The following ASCC3 variants were observed in gnomAD, a reference collection of about 807,000 sequenced individuals.
ASCC3 encodes the protein activating signal cointegrator 1 complex subunit 3, also known as ASC-1 complex subunit P200.
In ASCC3, 158 loss-of-function variants were observed where a neutral mutation model predicts 256.3. That is an observed-to-expected ratio of 0.62 (90% CI 0.54 to 0.70). The LOEUF (loss-of-function observed/expected upper bound fraction) is 0.70. Among genes scored for constraint, ASCC3 ranks in the 30% least tolerant of loss-of-function variants. The probability of loss-of-function intolerance (pLI) is 0.00; values close to 1 mark genes in which losing one functional copy is unlikely to be tolerated. For synonymous variants in ASCC3, 948 were observed against 883.4 expected (o/e 1.07, Z -1.30); for missense variants, 2,259 against 2,626.0 (o/e 0.86, Z 3.05).
At chr6:100,879,977 A>C (rs1212008604) in intron 1 of ASCC3, among the ~76,000 whole-genome samples, 1 of 152,200 alleles carries the variant, frequency 6.6e-6, no homozygotes, top group Non-Finnish European at 1.5e-5. Context: ...GGATTATAGA[A>C]AGTTCATGAG....
At chr6:100,590,627 A>G (rs1771956305) in intron 34 of ASCC3, among the ~76,000 whole-genome samples, 1 of 152,204 alleles carries the variant, frequency 6.6e-6, no homozygotes, top group Admixed American at 6.5e-5. Context: ...ATGGCAGTGG[A>G]AAGTGGTCTT....
At chr6:100,542,383 T>TAAG (rs945212908) in intron 36 of ASCC3, among the ~76,000 whole-genome samples, 4 of 152,090 alleles carry the variant, frequency 2.6e-5, no homozygotes, top group Non-Finnish European at 5.9e-5. Flanking sequence ...TAATTTACTG[T>TAAG]AAGAAAAACA....
At chr6:100,567,906 C>G (rs1285374353) in intron 36 of ASCC3, among the ~76,000 whole-genome samples, 1 of 151,976 alleles carries the variant, frequency 6.6e-6, no homozygotes, top group African/African-American at 2.4e-5. Context: ...CTTTTGGATC[C>G]CCAGTAATGG....
At chr6:100,582,948 T>C (rs1771394008) in intron 36 of ASCC3, among the ~76,000 whole-genome samples, 1 of 152,190 alleles carries the variant, frequency 6.6e-6, no homozygotes, top group South Asian at 2.1e-4. Flanking sequence ...CACTTGATCA[T>C]GGTGGATAAG....
At chr6:100,760,087 T>C (rs764956886) in intron 10 of ASCC3, among the ~76,000 whole-genome samples, 6 of 152,166 alleles carry the variant, frequency 3.9e-5, no homozygotes, top group Non-Finnish European at 8.8e-5. Flanking sequence ...TATAAAATCA[T>C]GTTGTCTGCA....
intron 36 of ASCC3, 41 bp from the exon 37 acceptor site, chr6:100,540,428 TAA>T: frequency 1.4e-6 from 2 of 1,476,330 alleles, no homozygotes; most frequent in South Asian, 2.3e-5. Flanking sequence ...GATCAAAGTA[TAA>T]TAATTAATGT....
intron 37 of ASCC3, among the ~76,000 whole-genome samples, chr6:100,528,924 A>G (rs189301779): frequency 7.2e-5 from 11 of 152,354 alleles, no homozygotes; most frequent in African/African-American, 2.6e-4. Context: ...GATATCTGCT[A>G]TCTTTTGGGG....
intron 13 of ASCC3, among the ~76,000 whole-genome samples, chr6:100,712,707 A>T (rs1173568307): frequency 6.6e-6 from 1 of 150,488 alleles, no homozygotes; most frequent in Non-Finnish European, 1.5e-5. Flanking sequence ...GTAGTTTTTT[A>T]AAAAGCTAAA....
chr6:100,694,357 C>T (rs1777980021), intron 13 of ASCC3, among the ~76,000 whole-genome samples: 1 of 151,282 alleles, frequency 6.6e-6, no homozygotes, highest in Non-Finnish European at 1.5e-5. Context: ...TCTGTAGTCC[C>T]AGCTACTTGG....
At position 100,661,825 on chromosome 6, in the gene ASCC3, G is replaced by A. The variant is rs1292552213; in HGVS notation, c.2684C>T (p.Ala895Val). ...PIESQFLESL[A>V]DNLNAEIALG... ...TCTTACCTCTGCATTTAGGTTATCT[G>A]CAAGGCTTTCCAGAAACTGACTCTC... Residue 895 changes from alanine to valine, a missense_variant, in exon 16 of 42, where the codon GCA becomes GTA. Transcript: ENST00000369162. 3 of 1,612,956 alleles carry A rather than the reference G, an allele frequency of 1.9e-6. No individual in the cohort carries two copies. In the Admixed American group the frequency reaches 5.0e-5, roughly 27 times the overall value.
At chr6:100,815,076 G>T (rs1270760017) in intron 4 of ASCC3, among the ~76,000 whole-genome samples, 1 of 151,752 alleles carries the variant, frequency 6.6e-6, no homozygotes, top group African/African-American at 2.4e-5. Flanking sequence ...AAAGTCTCAG[G>T]ATACAAAATA....
chr6:100,560,049 C>G (rs1044522820), intron 36 of ASCC3, among the ~76,000 whole-genome samples: 1 of 151,978 alleles, frequency 6.6e-6, no homozygotes, highest in African/African-American at 2.4e-5. Flanking sequence ...CATTAGAAAA[C>G]AAAATGACAC....
intron 4 of ASCC3, among the ~76,000 whole-genome samples, chr6:100,812,184 T>C (rs1770502981): frequency 6.6e-6 from 1 of 152,098 alleles, no homozygotes; most frequent in Non-Finnish European, 1.5e-5. Flanking sequence ...CAACAATAAC[T>C]AGCCCCAGTG....
chr6:100,737,627 C>T (rs1427708326), intron 10 of ASCC3, among the ~76,000 whole-genome samples: 1 of 152,134 alleles, frequency 6.6e-6, no homozygotes, highest in Non-Finnish European at 1.5e-5. Flanking sequence ...TCCAGTCTAT[C>T]ATTGATGGGC....
At chr6:100,534,667 T>C (rs888019761) in intron 37 of ASCC3, among the ~76,000 whole-genome samples, 2 of 152,154 alleles carry the variant, frequency 1.3e-5, no homozygotes, top group African/African-American at 2.4e-5. Flanking sequence ...GCAAAGGAAA[T>C]GCTAGTAACA....
rs2114592999 is a variant in ASCC3, at chr6:100,508,285, T to G, written c.*1101A>C. On this transcript the variant is annotated 3_prime_UTR_variant, in exon 42 of 42. Transcript: ENST00000369162. ...AGAAACACTTAAATTCTAGTATTTG[T>G]AACAATGACATTGGAAAATGTTTTA... 1 of 152,346 alleles carries G rather than the reference T, an allele frequency of 6.6e-6. No homozygotes were observed. The highest frequency in any genetic ancestry group is 1.5e-5 in the Non-Finnish European group (1 of 68,020). 9.4% of individuals were successfully genotyped at this position (152,346 alleles called of 1,614,324 possible).
chr6:100,587,385 T>A (rs2114766428), intron 36 of ASCC3, among the ~76,000 whole-genome samples: 1 of 152,270 alleles, frequency 6.6e-6, no homozygotes, highest in East Asian at 1.9e-4. Flanking sequence ...TCTTGCTGTA[T>A]TATTTAGCAT....
chr6:100,661,365 A>G (rs976784403), intron 16 of ASCC3, among the ~76,000 whole-genome samples: 12 of 150,982 alleles, frequency 7.9e-5, no homozygotes, highest in African/African-American at 2.7e-4. Flanking sequence ...ACACAAAACA[A>G]ATGATCATAA....
chr6:100,593,487 C>A (rs1772111685), intron 34 of ASCC3, among the ~76,000 whole-genome samples: 1 of 152,070 alleles, frequency 6.6e-6, no homozygotes, highest in African/African-American at 2.4e-5. Flanking sequence ...AATCTTAATA[C>A]TGATGAAATT....
Sources: allele counts gnomAD v4.1 joint callset (sites outside exome capture counted in the v4.1 genomes callset), GRCh38; gene constraint gnomAD v4.1.1; transcripts MANE v1.5; gene names NCBI Gene and HGNC (gene_info 2026-07-23, HGNC 2026-07-21).